ADAMTS16: variants seen among roughly 807,000 people sequenced by gnomAD.
ADAMTS16 encodes ADAM metallopeptidase with thrombospondin type 1 motif 16.
Under a neutral mutation model 145.8 loss-of-function variants are expected in ADAMTS16, and 94 were observed. The observed-to-expected ratio is 0.64, with a 90% CI of 0.55 to 0.77. The LOEUF (loss-of-function observed/expected upper bound fraction) is 0.77, where lower values mean the gene tolerates loss of function less well. ADAMTS16 is among the 30% of genes least tolerant of loss of function. The probability of loss-of-function intolerance (pLI) is 0.00; values close to 1 mark genes in which losing one functional copy is unlikely to be tolerated. For synonymous variants in ADAMTS16, 659 were observed against 604.3 expected (o/e 1.09, Z -1.33); for missense variants, 1,585 against 1,591.5 (o/e 1.00, Z 0.07).
chr5:5,158,938 C>T (rs568931319), intron 3 of ADAMTS16, among the ~76,000 whole-genome samples: 1 of 152,210 alleles, frequency 6.6e-6, no homozygotes, highest in Non-Finnish European at 1.5e-5. Context: ...TAGGCACTTT[C>T]ACCACCCTGC....
chr5:5,220,397 A>G (rs1383357336), intron 10 of ADAMTS16, among the ~76,000 whole-genome samples: 1 of 151,236 alleles, frequency 6.6e-6, no homozygotes, highest in Non-Finnish European at 1.5e-5. Context: ...TGACCTCGTG[A>G]TCCGCCCGCC....
chr5:5,140,609 C>T lies in ADAMTS16; in HGVS notation c.73-55C>T, dbSNP rs1734132149. ...ACAGCTGGAGGCGAGTCCCCCGCGG[C>T]TCCTCTCCCGCGGACCCCGCCGTCT... On this transcript the variant is annotated intron_variant, in intron 1 of 22. Transcript: ENST00000274181. The T allele has an allele frequency of 3.3e-6, 5 of 1,521,604 alleles. No homozygotes were observed. In the Admixed American group the frequency reaches 6.0e-5, roughly 18 times the overall value. 94.3% of individuals were successfully genotyped at this position (1,521,604 alleles called of 1,614,324 possible).
intron 3 of ADAMTS16, among the ~76,000 whole-genome samples, chr5:5,167,899 G>T (rs140619451): frequency 0.014 from 2,199 of 152,310 alleles, 30 homozygotes; most frequent in Middle Eastern, 0.078. Context: ...CCCATGTGGG[G>T]CTGTTCAGTA....
At chr5:5,232,324 C>T (rs2126369399) in intron 11 of ADAMTS16, 44 bp from the exon 12 acceptor site, 4 of 1,612,150 alleles carry the variant, frequency 2.5e-6, no homozygotes, top group Non-Finnish European at 3.4e-6. Flanking sequence ...CCCATCTATC[C>T]ATCTGTGTGA....
intron 13 of ADAMTS16, among the ~76,000 whole-genome samples, chr5:5,235,824 C>T (rs1050395863): frequency 3.9e-5 from 6 of 151,992 alleles, no homozygotes; most frequent in African/African-American, 4.8e-5. Flanking sequence ...GAACATTGCC[C>T]GAAAAAATGA....
chr5:5,179,348 G>A (rs369727680), intron 3 of ADAMTS16, among the ~76,000 whole-genome samples: 2 of 151,968 alleles, frequency 1.3e-5, no homozygotes, highest in African/African-American at 4.8e-5. Context: ...CTGAGGGGGG[G>A]TTTGAAAAGT....
At chr5:5,235,413 A>C (rs1344431398) in intron 13 of ADAMTS16, among the ~76,000 whole-genome samples, 1 of 152,200 alleles carries the variant, frequency 6.6e-6, no homozygotes, top group Non-Finnish European at 1.5e-5. Context: ...CACCAGATAG[A>C]AAGCGTGTGC....
At chr5:5,246,547 C>T (rs2126400399) in intron 17 of ADAMTS16, among the ~76,000 whole-genome samples, 1 of 152,296 alleles carries the variant, frequency 6.6e-6, no homozygotes, top group Middle Eastern at 3.4e-3. Context: ...CATCAGTCAG[C>T]ATATGCTTGG....
intron 3 of ADAMTS16, among the ~76,000 whole-genome samples, chr5:5,175,822 G>A (rs748618040): frequency 1.2e-4 from 19 of 152,132 alleles, no homozygotes; most frequent in African/African-American, 2.9e-4. Context: ...TCCCATGATC[G>A]CTGTTCTCTC....
intron 17 of ADAMTS16, among the ~76,000 whole-genome samples, chr5:5,246,477 T>C (rs1737447427): frequency 1.3e-5 from 2 of 152,230 alleles, no homozygotes; most frequent in South Asian, 2.1e-4. Context: ...TTGAAATCGC[T>C]TGCAAACTTG....
At chr5:5,306,444 C>G in intron 20 of ADAMTS16, 60 bp from the exon 21 acceptor site, 1 of 1,480,066 alleles carries the variant, frequency 6.8e-7, no homozygotes, top group Admixed American at 1.8e-5. Context: ...TATTTTAACC[C>G]ACAGATTTTG....
rs35256855 is a variant in ADAMTS16 at position 5,315,633 on chromosome 5, T to C, written c.3412-2501T>C. Among the ~76,000 whole-genome samples, 412 of 152,212 alleles carry C rather than the reference T, an allele frequency of 2.7e-3. 2 individuals are homozygous for C. Among genetic ancestry groups the C allele is most frequent in the Non-Finnish European group, 3.9e-3 (267 of 68,006 alleles). ...CCTGTGAGCTGCTGTCTCAGCAGGG[T>C]GACCACAGCCCCAAGGTTCTCGGCG... On this transcript the variant is annotated intron_variant, in intron 21 of 22. Coordinates refer to ENST00000274181, the MANE Select transcript of ADAMTS16 (RefSeq NM_139056.4).
At chr5:5,144,125 C>T (rs943617065) in intron 2 of ADAMTS16, among the ~76,000 whole-genome samples, 2 of 150,356 alleles carry the variant, frequency 1.3e-5, no homozygotes, top group Non-Finnish European at 3.0e-5. Flanking sequence ...TAAATTATAA[C>T]AAAAAAAAAA....
At chr5:5,199,000 G>T (rs1735883126) in intron 8 of ADAMTS16, among the ~76,000 whole-genome samples, 1 of 152,186 alleles carries the variant, frequency 6.6e-6, no homozygotes, top group African/African-American at 2.4e-5. Flanking sequence ...ATGGCTGGGT[G>T]CCAGACATTA....
At chr5:5,186,328 G>T in intron 5 of ADAMTS16, 77 bp downstream of exon 5, 9 of 1,337,196 alleles carry the variant, frequency 6.7e-6, no homozygotes, top group Non-Finnish European at 2.1e-6. Context: ...GTGTGTGTGT[G>T]TGTGTGTTTC....
At chr5:5,177,501 GA>G (rs1735232982) in intron 3 of ADAMTS16, among the ~76,000 whole-genome samples, 1 of 152,158 alleles carries the variant, frequency 6.6e-6, no homozygotes, top group Admixed American at 6.5e-5. Flanking sequence ...ATTTCTTGGA[GA>G]AAAAGGAAGC....
intron 8 of ADAMTS16, among the ~76,000 whole-genome samples, chr5:5,194,800 A>C (rs921354629): frequency 7.9e-5 from 12 of 152,212 alleles, no homozygotes; most frequent in Non-Finnish European, 1.6e-4. Flanking sequence ...AGCAGAGTCA[A>C]ATTTTTGAGT....
intron 8 of ADAMTS16, among the ~76,000 whole-genome samples, chr5:5,194,242 C>T (rs1735739133): frequency 6.6e-6 from 1 of 152,134 alleles, no homozygotes; most frequent in African/African-American, 2.4e-5. Flanking sequence ...TGGAGCTTGT[C>T]AACGAAAAAC....
At chr5:5,307,817 A>T (rs1463188203) in intron 21 of ADAMTS16, among the ~76,000 whole-genome samples, 3 of 152,140 alleles carry the variant, frequency 2.0e-5, no homozygotes, top group Non-Finnish European at 4.4e-5. Flanking sequence ...CACACGTGTC[A>T]TTTGGCTTTG....
Sources: allele counts gnomAD v4.1 joint callset (sites outside exome capture counted in the v4.1 genomes callset), GRCh38; gene constraint gnomAD v4.1.1; transcripts MANE v1.5; gene names NCBI Gene and HGNC (gene_info 2026-07-23, HGNC 2026-07-21).